Variants in RARB observed in about 807,000 individuals in gnomAD.
RARB encodes the protein retinoic acid receptor beta.
A neutral mutation model predicts 51.9 loss-of-function variants in RARB; 17 were observed. The ratio of observed to expected loss-of-function variants is 0.33; its 90% CI spans 0.22 to 0.49. The LOEUF is 0.49. RARB is among the 20% of genes least tolerant of loss of function. The pLI is 0.99. For missense variants in RARB, 369 were observed against 550.8 expected (o/e 0.67, Z 3.30); for synonymous variants, 215 against 195.4 (o/e 1.10, Z -0.84).
chr3:25,330,008 G>A (rs1316858748), intron 5 of RARB, among the ~76,000 whole-genome samples: 3 of 152,074 alleles, frequency 2.0e-5, no homozygotes, highest in Admixed American at 6.6e-5. Context: ...AGAAATATGG[G>A]ACTATGTGAA....
At chr3:25,383,670 G>C (rs1467042185) in intron 5 of RARB, among the ~76,000 whole-genome samples, 1 of 152,192 alleles carries the variant, frequency 6.6e-6, no homozygotes, top group Non-Finnish European at 1.5e-5. Context: ...GCTCACGCCT[G>C]TAATCCCAGC....
At chr3:25,450,805 G>T (rs1436807105) in intron 1 of RARB, among the ~76,000 whole-genome samples, 1 of 152,144 alleles carries the variant, frequency 6.6e-6, no homozygotes, top group African/African-American at 2.4e-5. Context: ...CCCCTACCCG[G>T]CCGGGTGCGG....
At chr3:25,103,001 G>T (rs1326065789) in intron 3 of RARB, among the ~76,000 whole-genome samples, 1 of 152,198 alleles carries the variant, frequency 6.6e-6, no homozygotes, top group Non-Finnish European at 1.5e-5. Context: ...AGTGAGCCGA[G>T]AGTGCGCCAC....
intron 2 of RARB, among the ~76,000 whole-genome samples, chr3:24,886,667 C>G (rs935489109): frequency 1.3e-5 from 2 of 151,976 alleles, no homozygotes; most frequent in Non-Finnish European, 1.5e-5. Flanking sequence ...GTCTTCAACT[C>G]CTGAGAGTGA....
Position 25,439,177 on chromosome 3 carries a change from T to TTG in RARB, c.157+10291_157+10292dup, listed in dbSNP as rs545997801. Among the ~76,000 whole-genome samples, 116 of 152,282 alleles carry TTG rather than the reference T, an allele frequency of 7.6e-4. 2 individuals are homozygous for TTG. Among genetic ancestry groups the TTG allele is most frequent in the African/African-American group, 2.6e-3 (107 of 41,550 alleles). Reference sequence around the variant, plus strand: ...TGTCTCTTCATTAAGTGGAGCTATTTTGTCTTCCACTACCAAAAGCAAAAA... The same window carrying TTG: ...TGTCTCTTCATTAAGTGGAGCTATTTTGTGTCTTCCACTACCAAAAGCAAAAA... On this transcript the variant is annotated intron_variant, in intron 1 of 7. Transcript: ENST00000330688.
chr3:25,327,951 TAAAAC>T (rs1172401338), intron 5 of RARB, among the ~76,000 whole-genome samples: 3 of 152,110 alleles, frequency 2.0e-5, no homozygotes, highest in Non-Finnish European at 2.9e-5. Flanking sequence ...GTGTGAGAAA[TAAAAC>T]AAAGTACACT....
chr3:25,266,935 A>G (rs1450744322), intron 5 of RARB, among the ~76,000 whole-genome samples: 6 of 152,226 alleles, frequency 3.9e-5, no homozygotes, highest in African/African-American at 1.4e-4. Context: ...CCCCCAGGCT[A>G]TGCTATCTTG....
chr3:25,427,775 T>C (rs1708036758), upstream of RARB, among the ~76,000 whole-genome samples: 1 of 152,164 alleles, frequency 6.6e-6, no homozygotes, highest in African/African-American at 2.4e-5. Flanking sequence ...TTCTACAGTT[T>C]AGGGCTTGCA....
chr3:24,965,535 G>A (rs1313679128), intron 2 of RARB, among the ~76,000 whole-genome samples: 1 of 152,042 alleles, frequency 6.6e-6, no homozygotes, highest in Non-Finnish European at 1.5e-5. Context: ...GAGGCACATG[G>A]GCTCCGGGCC....
At chr3:25,072,884 ATT>A (rs772709673) in intron 3 of RARB, among the ~76,000 whole-genome samples, 1 of 151,266 alleles carries the variant, frequency 6.6e-6, no homozygotes, top group Non-Finnish European at 1.5e-5. Context: ...AATTTTTTGT[ATT>A]TTTTTAGTAG....
intron 2 of RARB, among the ~76,000 whole-genome samples, chr3:25,046,945 C>A (rs1698230177): frequency 6.6e-6 from 1 of 152,234 alleles, no homozygotes; most frequent in East Asian, 1.9e-4. Flanking sequence ...CACTTATTTC[C>A]TAGAACATAG....
chr3:24,978,993 C>G (rs1303680143), intron 2 of RARB, among the ~76,000 whole-genome samples: 3 of 152,104 alleles, frequency 2.0e-5, no homozygotes, highest in Non-Finnish European at 4.4e-5. Context: ...TTATTTCTGC[C>G]TTAATTTCAT....
intron 2 of RARB, among the ~76,000 whole-genome samples, chr3:24,947,645 T>C (rs1437303414): frequency 6.6e-6 from 1 of 152,176 alleles, no homozygotes; most frequent in Non-Finnish European, 1.5e-5. Context: ...TGTCAAAGAT[T>C]CTCCATCCAC....
chr3:24,878,232 GT>G (rs1703086370), intron 2 of RARB, among the ~76,000 whole-genome samples: 1 of 145,240 alleles, frequency 6.9e-6, no homozygotes, highest in East Asian at 2.0e-4. Flanking sequence ...TTTGCTTGTA[GT>G]TTCCTTGTAT....
chr3:25,121,570 G>T (rs1383483344), intron 3 of RARB, among the ~76,000 whole-genome samples: 1 of 152,126 alleles, frequency 6.6e-6, no homozygotes, highest in African/African-American at 2.4e-5. Context: ...GCTTAGCAAG[G>T]TATTAGAATC....
chr3:24,953,779 C>A (rs1000850898), intron 2 of RARB, among the ~76,000 whole-genome samples: 1 of 152,076 alleles, frequency 6.6e-6, no homozygotes, highest in Admixed American at 6.6e-5. Context: ...CCTACTCTTC[C>A]AAAGCTTTTT....
intron 1 of RARB, among the ~76,000 whole-genome samples, chr3:25,433,003 C>CA (rs751603141): frequency 1.3e-5 from 2 of 152,086 alleles, no homozygotes; most frequent in Non-Finnish European, 2.9e-5. Context: ...ATACATTTAT[C>CA]CTTAAATGAC....
chr3:25,044,135 C>G (rs1249874720), intron 2 of RARB, among the ~76,000 whole-genome samples: 2 of 152,062 alleles, frequency 1.3e-5, no homozygotes, highest in African/African-American at 4.8e-5. Context: ...CAGCAAAACC[C>G]TTTTAGTCAA....
chr3:25,015,369 C>G (rs1697485760), intron 2 of RARB, among the ~76,000 whole-genome samples: 1 of 152,086 alleles, frequency 6.6e-6, no homozygotes. Flanking sequence ...TTTGAACTTT[C>G]AAGAAATGAA....
Sources: allele counts gnomAD v4.1 joint callset (sites outside exome capture counted in the v4.1 genomes callset), GRCh38; gene constraint gnomAD v4.1.1; transcripts MANE v1.5; gene names NCBI Gene and HGNC (gene_info 2026-07-23, HGNC 2026-07-21).